SCYL2: variants seen among roughly 807,000 people sequenced by gnomAD.
The protein encoded by SCYL2 is SCY1 like pseudokinase 2.
SCYL2 carries 36 observed loss-of-function variants against 100.4 expected under a neutral mutation model. The observed-to-expected ratio is 0.36, with a 90% confidence interval of 0.27 to 0.47. The LOEUF (loss-of-function observed/expected upper bound fraction) is 0.47, where lower values mean the gene tolerates loss of function less well. Among genes scored for constraint, SCYL2 ranks in the 20% least tolerant of loss-of-function variants. SCYL2 has a pLI of 1.00. For missense variants in SCYL2, 902 were observed against 1,083.9 expected (o/e 0.83, Z 2.36); for synonymous variants, 330 against 359.2 (o/e 0.92, Z 0.92).
intron 2 of SCYL2, among the ~76,000 whole-genome samples, chr12:100,283,938 C>T (rs1360208333): frequency 6.6e-6 from 1 of 152,056 alleles, no homozygotes; most frequent in Non-Finnish European, 1.5e-5. Flanking sequence ...AAATGCTGAT[C>T]GATTTGTTAC....
chr12:100,316,186 A>G (rs1438667299), intron 9 of SCYL2, among the ~76,000 whole-genome samples: 1 of 152,248 alleles, frequency 6.6e-6, no homozygotes, highest in African/African-American at 2.4e-5. Context: ...TACTTCCACT[A>G]GAATAGGAAA....
rs371072512 is a variant in SCYL2, at chr12:100,291,614, C to G, written c.289C>G (p.Arg97Gly). The change falls in exon 3 of 18, where the codon CGA becomes GGA. Residue 97 changes from arginine (R) to glycine (G), a missense_variant. Arg to Gly is a moderately radical substitution (Grantham distance 125). Coordinates refer to ENST00000360820, the MANE Select transcript of SCYL2 (RefSeq NM_017988.6). Reference sequence around the variant, plus strand: ...AGGAGTCCAACAGTTAACTCGGCTTCGACACCCTCGACTTCTTACTGTCCA... The same window carrying G: ...AGGAGTCCAACAGTTAACTCGGCTTGGACACCCTCGACTTCTTACTGTCCA... Reference protein sequence around the residue: ...KRGVQQLTRLRHPRLLTVQHP... With the variant: ...KRGVQQLTRLGHPRLLTVQHP... 1 of 1,599,116 alleles carries G rather than the reference C, an allele frequency of 6.3e-7. No individual in the cohort carries two copies. Among genetic ancestry groups the G allele is most frequent in the Non-Finnish European group, 8.5e-7 (1 of 1,175,212 alleles).
chr12:100,294,208 T>G (rs899067404), intron 3 of SCYL2, among the ~76,000 whole-genome samples: 1 of 135,638 alleles, frequency 7.4e-6, no homozygotes, highest in Non-Finnish European at 1.6e-5. Flanking sequence ...GGCGGGGGGG[T>G]GACCCCCCCA....
At chr12:100,312,363 G>T in intron 5 of SCYL2, 69 bp from the exon 6 acceptor site, 1 of 1,149,544 alleles carries the variant, frequency 8.7e-7, no homozygotes, top group South Asian at 1.3e-5. Flanking sequence ...TTTAAAGATA[G>T]ATTACTACTG....
chr12:100,270,651 T>C (rs2096286635), intron 1 of SCYL2, among the ~76,000 whole-genome samples: 1 of 151,536 alleles, frequency 6.6e-6, no homozygotes, highest in Non-Finnish European at 1.5e-5. Context: ...AATATTTTTA[T>C]TTACATAGAG....
chr12:100,321,664 C>T (rs925046477), intron 10 of SCYL2, among the ~76,000 whole-genome samples: 2 of 152,212 alleles, frequency 1.3e-5, no homozygotes, highest in Non-Finnish European at 2.9e-5. Flanking sequence ...AATTCGCTCT[C>T]ACAGATGACG....
chr12:100,317,723 TGAA>T (rs1325706046), intron 9 of SCYL2, 77 bp from the exon 10 acceptor site: 1 of 1,463,996 alleles, frequency 6.8e-7, no homozygotes, highest in Non-Finnish European at 9.0e-7. Context: ...GTTATTCTTT[TGAA>T]GAAGCTTTAC....
At position 100,291,503 on chromosome 12, in the gene SCYL2, G is replaced by T; in HGVS notation, c.178G>T (p.Glu60Ter). The T allele has an allele frequency of 6.6e-7, 1 of 1,518,910 alleles. No individual in the cohort carries two copies. The highest frequency in any genetic ancestry group is 8.9e-7 in the Non-Finnish European group (1 of 1,125,748). The allele number at this position is 1,518,910 out of a possible 1,614,324, so 94.1% of individuals were successfully genotyped here. A position where few individuals can be genotyped will look rare whatever the true frequency, so the allele number is the denominator to read the frequency against. The change falls in exon 3 of 18, where the codon GAA becomes TAA. Residue 60 changes from glutamate (E) to a stop codon, truncating the protein, a stop_gained and splice_region_variant. Transcript: ENST00000360820. LOFTEE classifies it high-confidence loss of function. ...FNGTKKSTKQ[E>*]VAVFVFDKKL... ...AAAATTACACAATTCTTTTATTTAGGAAGTGGCAGTTTTTGTCTTTGATAA... is the reference window on the plus strand; with the variant it reads ...AAAATTACACAATTCTTTTATTTAGTAAGTGGCAGTTTTTGTCTTTGATAA...
intron 13 of SCYL2, 186 bp from the exon 14 acceptor site, chr12:100,333,980 A>G: frequency 2.1e-6 from 1 of 472,158 alleles, no homozygotes; most frequent in Non-Finnish European, 3.8e-6. Context: ...CAAAGATATT[A>G]TAAAAGCTTG....
intron 1 of SCYL2, among the ~76,000 whole-genome samples, chr12:100,270,071 C>G (rs574951407): frequency 6.6e-6 from 1 of 151,838 alleles, no homozygotes; most frequent in East Asian, 1.9e-4. Flanking sequence ...ACTGCAAGCT[C>G]CGCCTCCCAG....
In SCYL2 at chr12:100,312,569, G is replaced by A. The variant is rs1367135462; in HGVS notation, c.768G>A (p.Met256Ile). The change falls in exon 6 of 18, where the codon ATG becomes ATA. Residue 256 changes from methionine (M) to isoleucine (I), a missense_variant. Met to Ile is a conservative substitution (Grantham distance 10). Transcript: ENST00000360820. The stretch of plus-strand genomic sequence containing the variant: ...ATATGTATTCTTTAGGAACTGTTAT[G>A]TATGCTGTATTTAATAAAGGGAAAC... ...ASDMYSLGTVMYAVFNKGKPI... is the reference protein window; with the variant it reads ...ASDMYSLGTVIYAVFNKGKPI... 1 of 1,612,782 alleles carries A rather than the reference G, an allele frequency of 6.2e-7. No homozygotes were observed. The highest frequency in any genetic ancestry group is 2.2e-5 in the East Asian group (1 of 44,780).
At chr12:100,294,359 C>T (rs1399966839) in intron 3 of SCYL2, among the ~76,000 whole-genome samples, 25 of 98,210 alleles carry the variant, frequency 2.5e-4, no homozygotes, top group East Asian at 7.1e-4. Context: ...ACCTCCCAGA[C>T]GGGGCGGCTG....
chr12:100,335,343 G>A (rs1182039599), intron 14 of SCYL2, among the ~76,000 whole-genome samples: 3 of 152,016 alleles, frequency 2.0e-5, no homozygotes, highest in African/African-American at 7.2e-5. Context: ...TGAGTGAGAT[G>A]TTAAGCTCTT....
chr12:100,273,981 C>T (rs912490938), intron 1 of SCYL2, among the ~76,000 whole-genome samples: 21 of 152,138 alleles, frequency 1.4e-4, no homozygotes. Flanking sequence ...TTCACCTTCC[C>T]GTCAAAATCA....
chr12:100,340,590 T>G lies in SCYL2; in HGVS notation c.*1418T>G, dbSNP rs1343417813. ...ATTGTTTATTCATTTTATATGAATATTCATTGAAAATATATACACAATATA... is the reference window on the plus strand; with the variant it reads ...ATTGTTTATTCATTTTATATGAATAGTCATTGAAAATATATACACAATATA... On this transcript the variant is annotated 3_prime_UTR_variant, in exon 18 of 18. Transcript: ENST00000360820. 1 of 152,080 alleles carries G rather than the reference T, an allele frequency of 6.6e-6. No individual in the cohort carries two copies. The highest frequency in any genetic ancestry group is 1.5e-5 in the Non-Finnish European group (1 of 67,932). 9.4% of individuals were successfully genotyped at this position (152,080 alleles called of 1,614,324 possible).
At chr12:100,311,994 G>A (rs2096342752) in intron 5 of SCYL2, among the ~76,000 whole-genome samples, 1 of 152,144 alleles carries the variant, frequency 6.6e-6, no homozygotes, top group Admixed American at 6.5e-5. Flanking sequence ...TATATATCAT[G>A]AGTGGGTCAG....
chr12:100,317,510 G>A (rs939315859), intron 9 of SCYL2, among the ~76,000 whole-genome samples: 2 of 152,128 alleles, frequency 1.3e-5, no homozygotes, highest in South Asian at 4.1e-4. Context: ...TTTTCACCCT[G>A]TAGCTTTCCA....
chr12:100,329,703 C>T (rs978250895), intron 13 of SCYL2, among the ~76,000 whole-genome samples: 1 of 152,170 alleles, frequency 6.6e-6, no homozygotes. Flanking sequence ...TTCTGTGGGT[C>T]AGGCCAGAAC....
At chr12:100,324,029 C>G (rs2096359102) in intron 11 of SCYL2, among the ~76,000 whole-genome samples, 1 of 152,104 alleles carries the variant, frequency 6.6e-6, no homozygotes, top group Admixed American at 6.5e-5. Flanking sequence ...TTATTGGTCT[C>G]TAAATGTCTT....
Sources: gnomAD v4.1 joint callset for allele counts (sites outside exome capture counted in the v4.1 genomes callset) on GRCh38, gnomAD v4.1.1 for gene constraint, MANE v1.5 for transcripts, NCBI Gene and HGNC (gene_info 2026-07-23, HGNC 2026-07-21) for gene names.